DCC: variants seen among roughly 807,000 people sequenced by gnomAD.
The protein encoded by DCC is netrin receptor DCC.
A neutral mutation model predicts 172.5 loss-of-function variants in DCC; 58 were observed. The ratio of observed to expected loss-of-function variants is 0.34; its 90% CI spans 0.27 to 0.42. The LOEUF is 0.42. Among genes scored for constraint, DCC ranks in the 10% least tolerant of loss-of-function variants. The pLI is 1.00. For synonymous variants in DCC, 709 were observed against 644.5 expected (o/e 1.10, Z -1.52); for missense variants, 1,740 against 1,791.0 (o/e 0.97, Z 0.51).
intron 5 of DCC, among the ~76,000 whole-genome samples, chr18:53,008,767 G>T (rs2041684036): frequency 6.6e-6 from 1 of 151,804 alleles, no homozygotes. Flanking sequence ...CTCAATACAT[G>T]CTTTATCAGT....
chr18:52,639,478 T>C (rs977284061), intron 1 of DCC, among the ~76,000 whole-genome samples: 4 of 152,002 alleles, frequency 2.6e-5, no homozygotes, highest in African/African-American at 4.8e-5. Flanking sequence ...ACAGGAGATA[T>C]TACAACTGAC....
chr18:52,739,371 G>A (rs2036780143), intron 1 of DCC, among the ~76,000 whole-genome samples: 1 of 152,048 alleles, frequency 6.6e-6, no homozygotes, highest in Admixed American at 6.6e-5. Flanking sequence ...TTATTCAACA[G>A]GTATTTGTTA....
chr18:52,638,028 A>C (rs1452263510), intron 1 of DCC, among the ~76,000 whole-genome samples: 2 of 152,220 alleles, frequency 1.3e-5, no homozygotes, highest in Admixed American at 1.3e-4. Flanking sequence ...TCCTCAAACA[A>C]AACAATTATC....
chr18:52,885,256 C>T (rs1037458478), intron 2 of DCC, among the ~76,000 whole-genome samples: 1 of 152,152 alleles, frequency 6.6e-6, no homozygotes, highest in East Asian at 1.9e-4. Flanking sequence ...GGCAACTTCC[C>T]TCAGGCCCTG....
chr18:53,022,550 T>C (rs2041896701), intron 5 of DCC, among the ~76,000 whole-genome samples: 2 of 151,660 alleles, frequency 1.3e-5, no homozygotes, highest in Non-Finnish European at 1.5e-5. Context: ...TGTGCGTGTG[T>C]GTGTGTGTGT....
At chr18:53,401,191 T>C (rs1179401218) in intron 18 of DCC, among the ~76,000 whole-genome samples, 2 of 152,186 alleles carry the variant, frequency 1.3e-5, no homozygotes, top group Non-Finnish European at 2.9e-5. Context: ...ATATATCATA[T>C]TATATTAGAC....
At chr18:52,460,090 A>C (rs1988585343) in intron 1 of DCC, among the ~76,000 whole-genome samples, 1 of 152,044 alleles carries the variant, frequency 6.6e-6, no homozygotes, top group Non-Finnish European at 1.5e-5. Flanking sequence ...ATATTTTCCC[A>C]TGGTAATAAA....
chr18:52,968,479 C>G (rs963649480), intron 5 of DCC, among the ~76,000 whole-genome samples: 5 of 152,162 alleles, frequency 3.3e-5, no homozygotes, highest in African/African-American at 1.2e-4. Context: ...CTCTTGTTAT[C>G]TTGGCTCTAT....
chr18:53,433,321 T>C lies in DCC; in HGVS notation c.3164-1823T>C, dbSNP rs533864525. Among the ~76,000 whole-genome samples, 3 of 152,312 alleles carry C rather than the reference T, an allele frequency of 2.0e-5. 1 individual carries two copies. The highest frequency in any genetic ancestry group is 6.5e-5 in the Admixed American group (1 of 15,302). ...ATATATGAATATGCTTATTGGCTTC[T>C]TTTTGCATCCTGCCACAAATTACAG... On this transcript the variant is annotated intron_variant, in intron 21 of 28. Coordinates refer to ENST00000442544, the MANE Select transcript of DCC (RefSeq NM_005215.4).
intron 5 of DCC, among the ~76,000 whole-genome samples, chr18:52,955,221 C>T (rs775237167): frequency 3.3e-5 from 5 of 152,110 alleles, no homozygotes; most frequent in African/African-American, 7.2e-5. Flanking sequence ...TTCATCCCTT[C>T]CTGCATGCTG....
chr18:53,012,603 A>G (rs192424205), intron 5 of DCC, among the ~76,000 whole-genome samples: 127 of 152,206 alleles, frequency 8.3e-4, no homozygotes, highest in Non-Finnish European at 1.5e-3. Flanking sequence ...ATACATAAAT[A>G]TACACACACA....
At chr18:53,241,321 C>G (rs1320961891) in intron 12 of DCC, among the ~76,000 whole-genome samples, 2 of 152,110 alleles carry the variant, frequency 1.3e-5, no homozygotes, top group Admixed American at 6.6e-5. Context: ...GACAGTCAAG[C>G]CTTTAATCAC....
At chr18:53,178,530 T>G (rs2055144301) in intron 8 of DCC, among the ~76,000 whole-genome samples, 1 of 152,162 alleles carries the variant, frequency 6.6e-6, no homozygotes, top group Non-Finnish European at 1.5e-5. Flanking sequence ...ATAAATGCAT[T>G]TGTTGGCAAT....
At chr18:52,562,966 C>G (rs2033073310) in intron 1 of DCC, among the ~76,000 whole-genome samples, 1 of 151,986 alleles carries the variant, frequency 6.6e-6, no homozygotes, top group Non-Finnish European at 1.5e-5. Flanking sequence ...GAAAAATTGA[C>G]TTCTGAAGTT....
chr18:52,903,766 C>T (rs1473483956), intron 2 of DCC, among the ~76,000 whole-genome samples: 4 of 152,164 alleles, frequency 2.6e-5, no homozygotes, highest in Admixed American at 2.6e-4. Flanking sequence ...CTACATAAGC[C>T]TCATATCTGT....
intron 1 of DCC, among the ~76,000 whole-genome samples, chr18:52,681,277 C>T (rs894951162): frequency 2.0e-5 from 3 of 152,038 alleles, no homozygotes; most frequent in Non-Finnish European, 2.9e-5. Flanking sequence ...ACTGTACCCA[C>T]TCCCTTATCC....
intron 27 of DCC, among the ~76,000 whole-genome samples, chr18:53,507,611 T>A (rs980463278): frequency 6.6e-6 from 1 of 152,198 alleles, no homozygotes; most frequent in African/African-American, 2.4e-5. Context: ...AGAATGCCTT[T>A]ATCTTCTGTG....
At chr18:52,547,740 AT>A (rs904774410) in intron 1 of DCC, among the ~76,000 whole-genome samples, 6 of 152,188 alleles carry the variant, frequency 3.9e-5, no homozygotes, top group African/African-American at 1.4e-4. Flanking sequence ...AAGGAACAGC[AT>A]GAGCAAAGGA....
intron 15 of DCC, among the ~76,000 whole-genome samples, chr18:53,363,686 G>A (rs577074074): frequency 1.3e-5 from 2 of 152,044 alleles, no homozygotes; most frequent in Non-Finnish European, 2.9e-5. Flanking sequence ...CCCTACCTCA[G>A]CTCTCCAGAG....
Sources: gnomAD v4.1 joint callset for allele counts (sites outside exome capture counted in the v4.1 genomes callset) on GRCh38, gnomAD v4.1.1 for gene constraint, MANE v1.5 for transcripts, NCBI Gene and HGNC (gene_info 2026-07-23, HGNC 2026-07-21) for gene names.